The following PDE6A variants were observed in gnomAD, a reference collection of about 807,000 sequenced individuals.
PDE6A encodes the protein rod cGMP-specific 3',5'-cyclic phosphodiesterase subunit alpha.
In PDE6A, 84 loss-of-function variants were observed where a neutral mutation model predicts 106.3. The observed-to-expected ratio is 0.79, with a 90% CI of 0.66 to 0.95. The LOEUF is 0.95. Ranked by LOEUF, PDE6A falls within the 40% of genes least tolerant of loss-of-function variation. The probability of loss-of-function intolerance (pLI) is 0.00; values close to 1 mark genes in which losing one functional copy is unlikely to be tolerated. For missense variants in PDE6A, 1,052 were observed against 1,084.9 expected (o/e 0.97, Z 0.43); for synonymous variants, 394 against 386.6 (o/e 1.02, Z -0.23).
chr5:149,906,684 T>C (rs1753204174), intron 7 of PDE6A, among the ~76,000 whole-genome samples: 1 of 152,124 alleles, frequency 6.6e-6, no homozygotes. Flanking sequence ...CAGTCCTCCA[T>C]GCCCATGTTG....
chr5:149,940,505 C>CTTTTATTTTTTTT (rs1754299351), intron 1 of PDE6A, among the ~76,000 whole-genome samples: 1 of 142,018 alleles, frequency 7.0e-6, no homozygotes, highest in Admixed American at 7.2e-5. Flanking sequence ...TGTTTGAATC[C>CTTTTATTTTTTTT]TTTTTTTTTT....
chr5:149,930,984 G>A (rs1754016646), intron 4 of PDE6A, 44 bp downstream of exon 4: 4 of 1,603,324 alleles, frequency 2.5e-6, no homozygotes, highest in Non-Finnish European at 3.4e-6. Context: ...GTCAGTGTCT[G>A]TTTAATCTTT....
At chr5:149,896,619 G>T in intron 11 of PDE6A, 92 bp downstream of exon 11, 1 of 1,613,682 alleles carries the variant, frequency 6.2e-7, no homozygotes, top group South Asian at 1.1e-5. Context: ...AGAGTGATGG[G>T]GAACATGCTT....
At chr5:149,926,549 A>G (rs184470290) in intron 4 of PDE6A, among the ~76,000 whole-genome samples, 2 of 152,374 alleles carry the variant, frequency 1.3e-5, no homozygotes, top group East Asian at 3.9e-4. Flanking sequence ...TGACATATGT[A>G]AATATCTCTA....
At chr5:149,919,375 TG>T in intron 5 of PDE6A, among the ~76,000 whole-genome samples, 1 of 152,088 alleles carries the variant, frequency 6.6e-6, no homozygotes, top group East Asian at 1.9e-4. Context: ...GACATAATGG[TG>T]GGGCACCTGT....
chr5:149,932,717 C>G (rs996645214), intron 3 of PDE6A: 4 of 1,494,544 alleles, frequency 2.7e-6, no homozygotes, highest in Non-Finnish European at 3.7e-6. Flanking sequence ...CAAATGTGTA[C>G]CAACTACTGC....
rs763461797 is a variant in PDE6A at position 149,886,287 on chromosome 5, T to A, written c.1816A>T (p.Thr606Ser). 1.2e-6 allele frequency: 2 copies of A among 1,613,584 alleles called. No individual in the cohort carries two copies. The highest frequency in any genetic ancestry group is 2.2e-5 in the South Asian group (2 of 91,070). Reference sequence around the variant, plus strand: ...CACTTCATCTGGTAGAGGTTATTGGTGCCTCTGTGGTCAATGTCATGGCAG... The same window carrying A: ...CACTTCATCTGGTAGAGGTTATTGGAGCCTCTGTGGTCAATGTCATGGCAG... Reference protein sequence around the residue: ...AFCHDIDHRGTNNLYQMKSQN... With the variant: ...AFCHDIDHRGSNNLYQMKSQN... Residue 606 changes from threonine (T) to serine (S), a missense_variant, in exon 14 of 22, where the codon ACC becomes TCC. Coordinates refer to ENST00000255266, the MANE Select transcript of PDE6A (RefSeq NM_000440.3).
intron 6 of PDE6A, among the ~76,000 whole-genome samples, chr5:149,909,039 T>G (rs1023087523): frequency 4.6e-5 from 7 of 152,240 alleles, no homozygotes; most frequent in African/African-American, 1.7e-4. Flanking sequence ...TCTTATTCTT[T>G]TTTTCAAGAT....
At chr5:149,918,541 T>C (rs565098182) in intron 5 of PDE6A, among the ~76,000 whole-genome samples, 1 of 152,344 alleles carries the variant, frequency 6.6e-6, no homozygotes, top group South Asian at 2.1e-4. Context: ...AACTTTTCAC[T>C]GTGCTCATAT....
intron 9 of PDE6A, 53 bp downstream of exon 9, chr5:149,899,322 C>T (rs1752876667): frequency 6.3e-7 from 1 of 1,598,060 alleles, no homozygotes; most frequent in African/African-American, 1.3e-5. Context: ...CCAGCCTCCC[C>T]CAGCAAGCTG....
intron 6 of PDE6A, among the ~76,000 whole-genome samples, chr5:149,910,409 T>G (rs1753344863): frequency 6.6e-6 from 1 of 152,218 alleles, no homozygotes; most frequent in African/African-American, 2.4e-5. Context: ...TGCTGCCAAT[T>G]AACCTATAAC....
Position 149,934,571 on chromosome 5 carries a change from C to T in PDE6A, c.622G>A (p.Glu208Lys). The T allele has an allele frequency of 6.2e-7, 1 of 1,614,150 alleles. No individual in the cohort carries two copies. The highest frequency in any genetic ancestry group is 1.7e-4 in the Middle Eastern group (1 of 6,056). ...AGTCTCTAAAGCATTCTTACCTCTT[C>T]ATCTCTCTTGGTGAAGTGGGATCCA... is the stretch of plus-strand genomic sequence containing the variant. Reference protein sequence around the residue: ...VDGSHFTKRDEEILLKYLNFA... With the variant: ...VDGSHFTKRDKEILLKYLNFA... The change falls in exon 2 of 22, where the codon GAA becomes AAA. Residue 208 changes from glutamate to lysine, a missense_variant. Physicochemically the swap from Glu to Lys is moderately conservative, Grantham distance 56 (BLOSUM62 1). Coordinates refer to ENST00000255266, the MANE Select transcript of PDE6A (RefSeq NM_000440.3).
rs142092713 is a variant in PDE6A at position 149,883,445 on chromosome 5, G to A, written c.2119C>T (p.Arg707Trp). Residue 707 changes from arginine (R) to tryptophan (W), a missense_variant, in exon 17 of 22, where the codon CGG becomes TGG. Coordinates refer to ENST00000255266, the MANE Select transcript of PDE6A (RefSeq NM_000440.3). Reference protein sequence around the residue: ...WTQYMMLEQTRKEIVMAMMMT... With the variant: ...WTQYMMLEQTWKEIVMAMMMT... ...CCAACTCACATAACGATTTCCTTCC[G>A]TGTCTGCTCCAGCATCATGTACTGT... 5.8e-5 allele frequency: 93 copies of A among 1,611,522 alleles called. 1 individual carries two copies. Among genetic ancestry groups the A allele is most frequent in the Admixed American group, 1.8e-4 (11 of 60,004 alleles).
At chr5:149,906,047 G>A (rs934040517) in intron 7 of PDE6A, among the ~76,000 whole-genome samples, 5 of 151,604 alleles carry the variant, frequency 3.3e-5, no homozygotes, top group South Asian at 2.1e-4. Context: ...TTGTAGAGAC[G>A]GAGTCTTGGT....
intron 17 of PDE6A, among the ~76,000 whole-genome samples, chr5:149,870,679 C>G (rs1760500490): frequency 6.6e-6 from 1 of 151,364 alleles, no homozygotes; most frequent in Non-Finnish European, 1.5e-5. Flanking sequence ...AGCACCTCCC[C>G]CTTATATGCA....
chr5:149,915,681 T>A (rs886306848), intron 5 of PDE6A, among the ~76,000 whole-genome samples: 2 of 152,150 alleles, frequency 1.3e-5, no homozygotes, highest in Admixed American at 6.5e-5. Context: ...TGCAAGTTGA[T>A]CACACAAGTT....
intron 14 of PDE6A, 66 bp downstream of exon 14, chr5:149,886,199 C>G (rs1185863256): frequency 8.2e-6 from 10 of 1,212,788 alleles, no homozygotes; most frequent in Non-Finnish European, 1.1e-5. Flanking sequence ...GTGAGTCTGC[C>G]TGGGAGCCAC....
At chr5:149,916,464 T>A (rs1375012449) in intron 5 of PDE6A, among the ~76,000 whole-genome samples, 5 of 152,186 alleles carry the variant, frequency 3.3e-5, no homozygotes, top group Non-Finnish European at 7.3e-5. Flanking sequence ...TCAGCTGTTC[T>A]CTTTGCTGTG....
intron 4 of PDE6A, among the ~76,000 whole-genome samples, chr5:149,925,919 C>A (rs1380445975): frequency 6.6e-6 from 1 of 151,896 alleles, no homozygotes; most frequent in African/African-American, 2.4e-5. Context: ...GAAATTAAGA[C>A]AGGATAGTAT....
Sources: allele counts gnomAD v4.1 joint callset (sites outside exome capture counted in the v4.1 genomes callset), GRCh38; gene constraint gnomAD v4.1.1; transcripts MANE v1.5; gene names NCBI Gene and HGNC (gene_info 2026-07-23, HGNC 2026-07-21).